EYS: variants seen among roughly 807,000 people sequenced by gnomAD.
The protein encoded by EYS is EGF-like photoreceptor maintenance factor, also known as protein eyes shut homolog.
EYS carries 250 observed loss-of-function variants against 282.1 expected under a neutral mutation model. That is an observed-to-expected ratio of 0.89 (90% CI 0.80 to 0.98). The LOEUF (loss-of-function observed/expected upper bound fraction) is 0.98. Among genes scored for constraint, EYS ranks in the 50% least tolerant of loss-of-function variants. The probability of loss-of-function intolerance (pLI) is 0.00; values close to 1 mark genes in which losing one functional copy is unlikely to be tolerated. For missense variants in EYS, 4,016 were observed against 3,709.0 expected, an observed-to-expected ratio of 1.08 and a Z score of -2.15; for synonymous variants, 1,355 against 1,282.9, an observed-to-expected ratio of 1.06 and a Z score of -1.20.
chr6:63,899,448 A>T (rs1773609923), intron 35 of EYS, among the ~76,000 whole-genome samples: 1 of 152,108 alleles, frequency 6.6e-6, no homozygotes, highest in African/African-American at 2.4e-5. Context: ...TTGGCTTGGG[A>T]TATAAGGTAC....
chr6:65,363,267 A>C (rs1330130892), intron 8 of EYS, among the ~76,000 whole-genome samples: 3 of 151,966 alleles, frequency 2.0e-5, no homozygotes, highest in African/African-American at 7.2e-5. Context: ...TCATTCTTCT[A>C]TCAAACAAAT....
At chr6:65,566,522 T>C (rs1486000363) in intron 2 of EYS, among the ~76,000 whole-genome samples, 1 of 152,188 alleles carries the variant, frequency 6.6e-6, no homozygotes, top group Non-Finnish European at 1.5e-5. Flanking sequence ...TAAACTCTCA[T>C]TTCTGCCTTA....
intron 16 of EYS, among the ~76,000 whole-genome samples, chr6:64,906,420 G>A (rs1478794763): frequency 6.6e-6 from 1 of 151,976 alleles, no homozygotes; most frequent in Non-Finnish European, 1.5e-5. Flanking sequence ...CTACAACATG[G>A]GTACATGTTT....
At chr6:64,448,217 G>T (rs1191376013) in intron 26 of EYS, among the ~76,000 whole-genome samples, 1 of 152,218 alleles carries the variant, frequency 6.6e-6, no homozygotes, top group Non-Finnish European at 1.5e-5. Flanking sequence ...ATATCCCGCA[G>T]GTGGCTCTGA....
chr6:63,828,947 T>G (rs1177224218), intron 36 of EYS, among the ~76,000 whole-genome samples: 1 of 152,168 alleles, frequency 6.6e-6, no homozygotes, highest in Non-Finnish European at 1.5e-5. Flanking sequence ...AAAGTAGAAC[T>G]ACCATTTGAT....
intron 22 of EYS, among the ~76,000 whole-genome samples, chr6:64,626,455 T>C (rs1767613978): frequency 6.6e-6 from 1 of 152,128 alleles, no homozygotes; most frequent in Non-Finnish European, 1.5e-5. Flanking sequence ...GTGAATTTAT[T>C]TGGAAATAGA....
At chr6:64,703,315 C>T (rs1676666520) in intron 22 of EYS, among the ~76,000 whole-genome samples, 1 of 144,416 alleles carries the variant, frequency 6.9e-6, no homozygotes, top group African/African-American at 2.5e-5. Flanking sequence ...ATCTGCAATG[C>T]TAATTTTTTA....
At chr6:65,181,565 C>A (rs956036520) in intron 12 of EYS, among the ~76,000 whole-genome samples, 4 of 152,024 alleles carry the variant, frequency 2.6e-5, no homozygotes, top group South Asian at 2.1e-4. Context: ...ACAACAGGTG[C>A]TGGAGAGGAT....
intron 12 of EYS, among the ~76,000 whole-genome samples, chr6:65,088,778 C>T (rs766926900): frequency 5.3e-5 from 8 of 152,270 alleles, no homozygotes; most frequent in Admixed American, 1.3e-4. Flanking sequence ...CCCCTCCCAT[C>T]ACAGGTCTGG....
At position 64,475,270 on chromosome 6, in the gene EYS, G is replaced by GATACCAAATACTTAACACA. The variant is rs1776225571; in HGVS notation, c.5645-35919_5645-35918insTGTGTTAAGTATTTGGTAT. Among the ~76,000 whole-genome samples, 75 of 74,448 alleles carry GATACCAAATACTTAACACA rather than the reference G, an allele frequency of 1.0e-3. 2 individuals carry two copies. The highest frequency in any genetic ancestry group is 3.6e-3 in the East Asian group (5 of 1,392). 48.8% of individuals were successfully genotyped at this position (74,448 alleles called of 152,430 possible). A position where few individuals can be genotyped will look rare whatever the true frequency, so the allele number is the denominator to read the frequency against. On this transcript the variant is annotated intron_variant, in intron 26 of 42. Coordinates refer to ENST00000503581, the MANE Select transcript of EYS (RefSeq NM_001142800.2). ...CTCTGAATAGTAAATGAAAAGAAAA[G>GATACCAAATACTTAACACA]GCCGGGCGCGGTGGCTCACGCCTGT...
In EYS at chr6:64,019,867, T is replaced by TATATATAAGTATATATATATATAC. The variant is rs1562154655; in HGVS notation, c.6726-20685_6726-20684insGTATATATATATATACTTATATAT. 5.5e-3 allele frequency among the ~76,000 whole-genome samples: 794 copies of TATATATAAGTATATATATATATAC among 145,360 alleles called. 10 individuals are homozygous for TATATATAAGTATATATATATATAC. Among genetic ancestry groups the TATATATAAGTATATATATATATAC allele is most frequent in the African/African-American group, 0.019 (741 of 38,934 alleles). On this transcript the variant is annotated intron_variant, in intron 33 of 42. Coordinates refer to ENST00000503581, the MANE Select transcript of EYS (RefSeq NM_001142800.2). ...ATATATAAGTATATATATATATATATACTTACATATATAAGTGTATATAAG... is the reference window on the plus strand; with the variant it reads ...ATATATAAGTATATATATATATATATATATATAAGTATATATATATATACACTTACATATATAAGTGTATATAAG...
At chr6:64,334,245 C>A (rs1026746407) in intron 29 of EYS, among the ~76,000 whole-genome samples, 3 of 152,102 alleles carry the variant, frequency 2.0e-5, no homozygotes. Context: ...TATATTGGAT[C>A]TGTGGAACAA....
At chr6:65,434,208 T>C (rs1562178576) in intron 5 of EYS, among the ~76,000 whole-genome samples, 1 of 152,184 alleles carries the variant, frequency 6.6e-6, no homozygotes, top group Non-Finnish European at 1.5e-5. Context: ...TAAGTCATTA[T>C]CCAGAGATGA....
At chr6:65,052,024 A>G (rs181178236) in intron 13 of EYS, among the ~76,000 whole-genome samples, 2 of 151,546 alleles carry the variant, frequency 1.3e-5, no homozygotes, top group Admixed American at 1.3e-4. Context: ...CAACATTTAC[A>G]TGGTAGGCAG....
At chr6:63,844,675 T>A (rs1772052000) in intron 36 of EYS, among the ~76,000 whole-genome samples, 1 of 152,180 alleles carries the variant, frequency 6.6e-6, no homozygotes, top group East Asian at 1.9e-4. Context: ...AAGTGTCTGT[T>A]CATATCCTTT....
chr6:64,609,660 G>T (rs1290319974), intron 24 of EYS, among the ~76,000 whole-genome samples: 1 of 152,072 alleles, frequency 6.6e-6, no homozygotes, highest in East Asian at 1.9e-4. Context: ...GAAGCAGGAC[G>T]GGTGCTTGAG....
intron 29 of EYS, among the ~76,000 whole-genome samples, chr6:64,372,765 TCTGA>T (rs1772425872): frequency 6.6e-6 from 1 of 152,210 alleles, no homozygotes; most frequent in Non-Finnish European, 1.5e-5. Context: ...TTTATTTTTG[TCTGA>T]CTAATTTATT....
chr6:65,309,540 A>G (rs1053282896), intron 11 of EYS, among the ~76,000 whole-genome samples: 2 of 152,292 alleles, frequency 1.3e-5, no homozygotes, highest in African/African-American at 4.8e-5. Flanking sequence ...GTCACTGAGG[A>G]GCTTATAGCT....
intron 22 of EYS, among the ~76,000 whole-genome samples, chr6:64,750,881 TG>T (rs1772723684): frequency 6.6e-6 from 1 of 152,172 alleles, no homozygotes. Context: ...CCCCAGTACA[TG>T]AGAGGGGCAG....
Sources: gnomAD v4.1 joint callset for allele counts (sites outside exome capture counted in the v4.1 genomes callset) on GRCh38, gnomAD v4.1.1 for gene constraint, MANE v1.5 for transcripts, NCBI Gene and HGNC (gene_info 2026-07-23, HGNC 2026-07-21) for gene names.